BEND6: variants seen among roughly 807,000 people sequenced by gnomAD.
BEND6 encodes the protein BEN domain-containing protein 6.
BEND6 carries 24 observed loss-of-function variants against 31.8 expected under a neutral mutation model. The ratio of observed to expected loss-of-function variants is 0.75; its 90% CI spans 0.55 to 1.06. The LOEUF (loss-of-function observed/expected upper bound fraction) is 1.06. Among genes scored for constraint, BEND6 ranks in the 50% least tolerant of loss-of-function variants. The pLI is 0.00. For missense variants in BEND6, 294 were observed against 327.4 expected (o/e 0.90, Z 0.79); for synonymous variants, 109 against 114.6 (o/e 0.95, Z 0.31).
intron 1 of BEND6, among the ~76,000 whole-genome samples, chr6:56,960,455 C>T (rs547887889): frequency 1.3e-5 from 2 of 152,074 alleles, no homozygotes; most frequent in South Asian, 2.1e-4. Context: ...AAGGTAGGAG[C>T]TTTATTATTG....
chr6:56,988,364 A>G (rs556324822), intron 2 of BEND6, among the ~76,000 whole-genome samples: 1 of 152,150 alleles, frequency 6.6e-6, no homozygotes, highest in Admixed American at 6.6e-5. Context: ...CTCTGATGCA[A>G]TAAGCCCCAA....
chr6:57,019,152 C>A (rs1467657209), intron 6 of BEND6, among the ~76,000 whole-genome samples: 1 of 152,100 alleles, frequency 6.6e-6, no homozygotes, highest in Non-Finnish European at 1.5e-5. Flanking sequence ...AGGATTTTTA[C>A]CAAGATGCAT....
chr6:57,017,089 AAT>A, intron 4 of BEND6, 116 bp from the exon 5 acceptor site: 1 of 376,788 alleles, frequency 2.7e-6, no homozygotes, highest in East Asian at 5.7e-5. Flanking sequence ...ATATATATAT[AAT>A]ATCTTACCTT....
At chr6:56,999,286 T>C (rs9370553) in intron 3 of BEND6, among the ~76,000 whole-genome samples, 10,570 of 152,204 alleles carry the variant, frequency 0.069, 492 homozygotes, top group East Asian at 0.18. Flanking sequence ...ATGGAGGCCA[T>C]CTCTGCTTCA....
At chr6:56,984,491 G>A (rs182522023) in intron 2 of BEND6, among the ~76,000 whole-genome samples, 104 of 152,288 alleles carry the variant, frequency 6.8e-4, no homozygotes, top group African/African-American at 2.3e-3. Flanking sequence ...GGGAGAAAAT[G>A]ATATCTCATT....
At chr6:56,999,623 T>C (rs574212175) in intron 3 of BEND6, among the ~76,000 whole-genome samples, 1 of 152,164 alleles carries the variant, frequency 6.6e-6, no homozygotes, top group Non-Finnish European at 1.5e-5. Flanking sequence ...GACCTGTCCA[T>C]CCAGCCCTGC....
At chr6:56,961,959 C>G (rs1233299491) in intron 1 of BEND6, among the ~76,000 whole-genome samples, 1 of 152,186 alleles carries the variant, frequency 6.6e-6, no homozygotes, top group Non-Finnish European at 1.5e-5. Context: ...TTTACTTCTG[C>G]AAAAACTCAT....
intron 2 of BEND6, among the ~76,000 whole-genome samples, chr6:56,990,086 T>C (rs1262913956): frequency 6.6e-6 from 1 of 152,112 alleles, no homozygotes; most frequent in African/African-American, 2.4e-5. Flanking sequence ...TATGTGTGTA[T>C]GTAATAAGAG....
intron 3 of BEND6, among the ~76,000 whole-genome samples, chr6:57,011,726 A>G (rs1300088918): frequency 2.0e-5 from 3 of 147,730 alleles, no homozygotes; most frequent in Admixed American, 6.8e-5. Context: ...AAAAAAAAAA[A>G]AAAAAAAAAG....
At chr6:56,983,068 A>G (rs1040748450) in intron 2 of BEND6, among the ~76,000 whole-genome samples, 1 of 152,204 alleles carries the variant, frequency 6.6e-6, no homozygotes, top group African/African-American at 2.4e-5. Flanking sequence ...TACAAACCAC[A>G]CAACACTGTA....
At chr6:56,967,363 C>A (rs1825519014) in intron 1 of BEND6, among the ~76,000 whole-genome samples, 1 of 152,100 alleles carries the variant, frequency 6.6e-6, no homozygotes, top group African/African-American at 2.4e-5. Context: ...AGAGGAAAGG[C>A]ATGGTTATTG....
intron 3 of BEND6, among the ~76,000 whole-genome samples, chr6:56,999,195 C>G (rs1382932696): frequency 6.6e-6 from 1 of 152,190 alleles, no homozygotes; most frequent in East Asian, 1.9e-4. Context: ...GTATTCAGAG[C>G]ACTTGCTCAT....
intron 1 of BEND6, chr6:56,975,818 A>T: frequency 3.7e-6 from 2 of 534,570 alleles, no homozygotes; most frequent in Non-Finnish European, 7.5e-6. Context: ...TTGTCCATTT[A>T]CTCTGTAGGC....
intron 1 of BEND6, among the ~76,000 whole-genome samples, chr6:56,979,183 C>T (rs1167013813): frequency 1.3e-5 from 2 of 152,132 alleles, no homozygotes; most frequent in Non-Finnish European, 2.9e-5. Context: ...TTCCACCTAA[C>T]CTTTAATTGG....
chr6:56,971,794 C>G (rs1399961268), intron 1 of BEND6, among the ~76,000 whole-genome samples: 2 of 152,086 alleles, frequency 1.3e-5, no homozygotes, highest in Non-Finnish European at 2.9e-5. Context: ...TATTCAAGTC[C>G]TTTACTCATT....
intron 1 of BEND6, among the ~76,000 whole-genome samples, chr6:56,978,125 A>C (rs1012929367): frequency 9.2e-5 from 14 of 151,606 alleles, no homozygotes; most frequent in Middle Eastern, 3.2e-3. Context: ...AAAAAAAAAA[A>C]ACTAAAAATT....
intron 3 of BEND6, among the ~76,000 whole-genome samples, chr6:57,006,042 C>T (rs1337012824): frequency 2.6e-5 from 4 of 152,104 alleles, no homozygotes; most frequent in African/African-American, 9.7e-5. Flanking sequence ...AGCAGTGTGG[C>T]GTAGGAGCGA....
At chr6:56,975,269 G>A (rs1343674049) in intron 1 of BEND6, among the ~76,000 whole-genome samples, 1 of 149,744 alleles carries the variant, frequency 6.7e-6, no homozygotes, top group Non-Finnish European at 1.5e-5. Flanking sequence ...AAAATGTTAA[G>A]GGGGTTGTAA....
chr6:57,007,852 A>G (rs533385891), intron 3 of BEND6, among the ~76,000 whole-genome samples: 3 of 152,296 alleles, frequency 2.0e-5, no homozygotes, highest in East Asian at 3.9e-4. Context: ...AGCTGGGTCC[A>G]GCTGTGTTTT....
Sources: gnomAD v4.1 joint callset for allele counts (sites outside exome capture counted in the v4.1 genomes callset) on GRCh38, gnomAD v4.1.1 for gene constraint, MANE v1.5 for transcripts, NCBI Gene and HGNC (gene_info 2026-07-23, HGNC 2026-07-21) for gene names.